Variants in CLEC2L observed in about 807,000 individuals in gnomAD.
The protein encoded by CLEC2L is C-type lectin domain family 2, member L.
In CLEC2L, 14 loss-of-function variants were observed where a neutral mutation model predicts 23.6. That is an observed-to-expected ratio of 0.59 (90% CI 0.39 to 0.93). CLEC2L has a LOEUF of 0.93. CLEC2L is among the 40% of genes least tolerant of loss of function. The pLI, the probability that CLEC2L is intolerant of heterozygous loss-of-function variation, is 0.00. For synonymous variants in CLEC2L, 114 were observed against 121.3 expected (o/e 0.94, Z 0.40); for missense variants, 264 against 282.4 (o/e 0.93, Z 0.47).
At chr7:139,534,718 G>A (rs2116315320) in intron 1 of CLEC2L, among the ~76,000 whole-genome samples, 1 of 152,108 alleles carries the variant, frequency 6.6e-6, no homozygotes, top group Non-Finnish European at 1.5e-5. Flanking sequence ...TTTCCATTTG[G>A]AAACCCCCGT....
chr7:139,542,548 G>T (rs769161079), intron 4 of CLEC2L, among the ~76,000 whole-genome samples: 1 of 152,252 alleles, frequency 6.6e-6, no homozygotes, highest in Non-Finnish European at 1.5e-5. Flanking sequence ...GGCCGCAAGG[G>T]AGGATGGGAG....
At chr7:139,536,174 C>G in intron 1 of CLEC2L, 100 bp from the exon 2 acceptor site, 1 of 872,362 alleles carries the variant, frequency 1.1e-6, no homozygotes, top group Non-Finnish European at 1.8e-6. Flanking sequence ...GCTTGCTGGG[C>G]TCTACCTCCC....
chr7:139,533,226 A>C (rs1014941850), intron 1 of CLEC2L, among the ~76,000 whole-genome samples: 22 of 152,342 alleles, frequency 1.4e-4, no homozygotes, highest in African/African-American at 4.8e-4. Context: ...TGAATAAATT[A>C]TATCTAAAAC....
chr7:139,530,639 C>G (rs932571507), intron 1 of CLEC2L, among the ~76,000 whole-genome samples: 5 of 151,896 alleles, frequency 3.3e-5, no homozygotes, highest in African/African-American at 1.2e-4. Context: ...ATGGTGAAAC[C>G]TCATGTCTAC....
intron 1 of CLEC2L, chr7:139,534,217 G>C (rs1016902220): frequency 7.2e-6 from 6 of 838,762 alleles, no homozygotes; most frequent in South Asian, 6.6e-5. Context: ...TGTCGGCAGC[G>C]GCTGTAGCAA....
Position 139,534,542 on chromosome 7 carries a change from A to G in CLEC2L, c.191-1732A>G, listed in dbSNP as rs1797625984. 6.6e-6 allele frequency: 5 copies of G among 761,822 alleles called. No individual in the cohort carries two copies. The Admixed American group carries it at 8.6e-5, about 13-fold the overall frequency. 47.2% of individuals were successfully genotyped at this position (761,822 alleles called of 1,614,324 possible). A position where few individuals can be genotyped will look rare whatever the true frequency, so the allele number is the denominator to read the frequency against. On this transcript the variant is annotated intron_variant, in intron 1 of 4. Coordinates refer to ENST00000422142, the MANE Select transcript of CLEC2L (RefSeq NM_001080511.4). ...ATGCTTCTTCATCGGCAGGCTCAAC[A>G]GGCTGATAAATAATTGTATTGGAAG...
intron 1 of CLEC2L, among the ~76,000 whole-genome samples, chr7:139,526,373 G>C (rs746803768): frequency 1.3e-5 from 2 of 152,086 alleles, no homozygotes; most frequent in African/African-American, 4.8e-5. Flanking sequence ...CGGGTCTGGC[G>C]GACCCAGACG....
At chr7:139,543,357 C>T (rs1277848316) in intron 4 of CLEC2L, among the ~76,000 whole-genome samples, 4 of 152,206 alleles carry the variant, frequency 2.6e-5, no homozygotes, top group African/African-American at 4.8e-5. Flanking sequence ...AAGCTTCTTG[C>T]TCTCAGAGCC....
chr7:139,527,536 T>C (rs1797522246), intron 1 of CLEC2L, among the ~76,000 whole-genome samples: 1 of 152,206 alleles, frequency 6.6e-6, no homozygotes, highest in African/African-American at 2.4e-5. Context: ...TCAAGTCTTT[T>C]CTCTCGCTGT....
intron 4 of CLEC2L, among the ~76,000 whole-genome samples, chr7:139,542,670 C>T (rs770395644): frequency 2.6e-5 from 4 of 152,178 alleles, no homozygotes; most frequent in Non-Finnish European, 5.9e-5. Context: ...TACTGGCGAA[C>T]GCATCTCTTG....
chr7:139,542,176 T>TCAC lies in CLEC2L; in HGVS notation c.533+57_533+59dup, dbSNP rs1313208295. 13 of 1,236,770 alleles carry TCAC rather than the reference T, an allele frequency of 1.1e-5. No individual in the cohort carries two copies. In the Middle Eastern group the frequency reaches 5.7e-4, roughly 54 times the overall value. The allele number at this position is 1,236,770 out of a possible 1,614,324, so 76.6% of individuals were successfully genotyped here. A position where few individuals can be genotyped will look rare whatever the true frequency, so the allele number is the denominator to read the frequency against. Reference sequence around the variant, plus strand: ...GAGCTTAGACTGAGAAAGGCCTGACTCACCCCCTGGACACAACTCCCGAAG... The same window carrying TCAC: ...GAGCTTAGACTGAGAAAGGCCTGACTCACCACCCCCTGGACACAACTCCCGAAG... On this transcript the variant is annotated intron_variant, in intron 4 of 4. Transcript: ENST00000422142.
chr7:139,541,017 C>T (rs997210429), intron 3 of CLEC2L, among the ~76,000 whole-genome samples: 1 of 152,150 alleles, frequency 6.6e-6, no homozygotes, highest in African/African-American at 2.4e-5. Flanking sequence ...GACTTTGTCT[C>T]TCTTTTTTTT....
Position 139,523,799 on chromosome 7 carries a change from C to G in CLEC2L, c.-129C>G, listed in dbSNP as rs1454522911. ...GCCGGGCTCAGCCCCGGCCTGCCAG[C>G]GCCGCGGTCCTAGCCCACCCGAGGC... On this transcript the variant is annotated 5_prime_UTR_variant, in exon 1 of 5. Coordinates refer to ENST00000422142, the MANE Select transcript of CLEC2L (RefSeq NM_001080511.4). The surrounding 1 kb of genome is among the most constrained non-coding windows in gnomAD (Gnocchi z 4.1). 3.9e-6 allele frequency: 2 copies of G among 510,960 alleles called. No homozygotes were observed. The highest frequency in any genetic ancestry group is 4.2e-5 in the African/African-American group (2 of 48,088). 31.7% of individuals were successfully genotyped at this position (510,960 alleles called of 1,614,324 possible).
intron 3 of CLEC2L, 118 bp from the exon 4 acceptor site, chr7:139,541,903 C>T: frequency 1.4e-6 from 1 of 706,666 alleles, no homozygotes. Context: ...AACAGTCACT[C>T]TCCTGGCGTC....
chr7:139,524,320 C>T (rs1797475101), intron 1 of CLEC2L, among the ~76,000 whole-genome samples: 1 of 152,290 alleles, frequency 6.6e-6, no homozygotes, highest in African/African-American at 2.4e-5. Flanking sequence ...CGGGGGCCAC[C>T]GCGAGTCACA....
rs1297356093 is a variant in CLEC2L, at chr7:139,536,348, G to A, written c.265G>A (p.Ala89Thr). ...CATCTTGGTGGTGATGAGCATCTTG[G>A]GTGAGCATGCGTGTCAGAGCATTTA... The part of the protein sequence containing the change: ...FAILVVMSIL[A>T]SKGCIKCEAP... Residue 89 changes from alanine to threonine, a missense_variant and splice_region_variant, in exon 2 of 5, where the codon GCT becomes ACT. Ala to Thr is a moderately conservative substitution (Grantham distance 58). Transcript: ENST00000422142. 6.4e-6 allele frequency: 10 copies of A among 1,551,106 alleles called. No individual in the cohort carries two copies. The highest frequency in any genetic ancestry group is 8.7e-6 in the Non-Finnish European group (10 of 1,146,668).
chr7:139,526,458 G>T (rs1430653459), intron 1 of CLEC2L, among the ~76,000 whole-genome samples: 1 of 152,178 alleles, frequency 6.6e-6, no homozygotes, highest in Admixed American at 6.5e-5. Context: ...CCAGGGTGCT[G>T]CTGCATTGGC....
At chr7:139,544,019 C>T (rs930061595) in intron 4 of CLEC2L, among the ~76,000 whole-genome samples, 1 of 152,158 alleles carries the variant, frequency 6.6e-6, no homozygotes, top group Non-Finnish European at 1.5e-5. Flanking sequence ...GTCTCAGCAG[C>T]GTGCCAGGGT....
At chr7:139,534,977 A>G (rs1797632606) in intron 1 of CLEC2L, among the ~76,000 whole-genome samples, 1 of 151,082 alleles carries the variant, frequency 6.6e-6, no homozygotes, top group African/African-American at 2.4e-5. Context: ...AAAAAAAAAC[A>G]AAAGAACAAC....
Sources: allele counts gnomAD v4.1 joint callset (sites outside exome capture counted in the v4.1 genomes callset), GRCh38; gene constraint gnomAD v4.1.1; non-coding constraint Gnocchi (gnomAD v3.1); transcripts MANE v1.5; gene names NCBI Gene and HGNC (gene_info 2026-07-23, HGNC 2026-07-21).